MCCC1: variants seen among roughly 807,000 people sequenced by gnomAD.
MCCC1 encodes methylcrotonoyl-CoA carboxylase subunit alpha, mitochondrial.
Under a neutral mutation model 83.8 loss-of-function variants are expected in MCCC1, and 64 were observed. The ratio of observed to expected loss-of-function variants is 0.76; its 90% CI spans 0.62 to 0.94. The LOEUF (loss-of-function observed/expected upper bound fraction) is 0.94. Ranked by LOEUF, MCCC1 falls within the 40% of genes least tolerant of loss-of-function variation. The pLI is 0.00. For synonymous variants in MCCC1, 322 were observed against 315.4 expected, an observed-to-expected ratio of 1.02 and a Z score of -0.22; for missense variants, 807 against 904.7, an observed-to-expected ratio of 0.89 and a Z score of 1.39.
At chr3:183,015,923 T>G (rs187380316) in intron 18 of MCCC1, among the ~76,000 whole-genome samples, 4 of 150,232 alleles carry the variant, frequency 2.7e-5, no homozygotes, top group African/African-American at 9.8e-5. Flanking sequence ...TTTTTTTTTT[T>G]TGTTTTTTGT....
intron 1 of MCCC1, among the ~76,000 whole-genome samples, chr3:183,095,266 G>A (rs1360987795): frequency 6.6e-6 from 1 of 151,744 alleles, no homozygotes; most frequent in Non-Finnish European, 1.5e-5. Context: ...CTGGGTGACA[G>A]AGCGAGACTC....
intron 1 of MCCC1, chr3:183,099,032 C>CCGATGTAAA (rs1401373230): frequency 3.9e-6 from 2 of 517,426 alleles, no homozygotes; most frequent in Admixed American, 6.4e-5. Context: ...CTGCGAAAGC[C>CCGATGTAAA]CGATGTAAAC....
At chr3:183,075,569 C>A (rs2108534004) in intron 4 of MCCC1, among the ~76,000 whole-genome samples, 1 of 125,582 alleles carries the variant, frequency 8.0e-6, no homozygotes, top group Non-Finnish European at 1.7e-5. Flanking sequence ...GAGACAGAGT[C>A]TTGCTCTGTC....
At chr3:183,092,228 C>T (rs955223444) in intron 3 of MCCC1, 181 bp downstream of exon 3, 4 of 687,638 alleles carry the variant, frequency 5.8e-6, no homozygotes, top group Non-Finnish European at 9.9e-6. Flanking sequence ...CTAAGCACAC[C>T]GCTTAGTTCA....
intron 3 of MCCC1, among the ~76,000 whole-genome samples, chr3:183,088,389 T>G (rs1450024622): frequency 2.6e-5 from 4 of 152,114 alleles, no homozygotes; most frequent in Non-Finnish European, 5.9e-5. Flanking sequence ...GTATTTGTAG[T>G]AGAGACAGGG....
rs1480894033 is a variant in MCCC1, at chr3:183,064,951, C to T, written c.761+6048G>A. Among the ~76,000 whole-genome samples, 1 of 152,196 alleles carries T rather than the reference C, an allele frequency of 6.6e-6. No individual in the cohort carries two copies. Among genetic ancestry groups the T allele is most frequent in the Non-Finnish European group, 1.5e-5 (1 of 68,028 alleles). ...GCAATGCTTTTCTCCCTTCCCTTCC[C>T]TTTCTCTCTCTGTGCAAACTGGTTG... On this transcript the variant is annotated intron_variant, in intron 7 of 18. Transcript: ENST00000265594. The surrounding 1 kb of genome is among the most constrained non-coding windows in gnomAD (Gnocchi z 4.5).
At chr3:183,112,954 G>A (rs992987298) in intron 1 of MCCC1, among the ~76,000 whole-genome samples, 12 of 151,878 alleles carry the variant, frequency 7.9e-5, no homozygotes, top group Non-Finnish European at 1.5e-4. Context: ...GGCCGGGCAC[G>A]GTGGCTCACG....
chr3:183,090,130 G>C (rs565634088), intron 3 of MCCC1, among the ~76,000 whole-genome samples: 3 of 152,260 alleles, frequency 2.0e-5, no homozygotes, highest in Admixed American at 6.5e-5. Context: ...GGTAGGGTCT[G>C]GTAGATGGGT....
chr3:183,041,544 CTT>C (rs1714082390), intron 11 of MCCC1, 21 bp downstream of exon 11: 1 of 1,613,512 alleles, frequency 6.2e-7, no homozygotes, highest in Non-Finnish European at 8.5e-7. Flanking sequence ...AAGAGTGAGA[CTT>C]TTCATTTTCT....
chr3:183,017,760 C>T (rs1355301418), intron 17 of MCCC1: 16 of 214,834 alleles, frequency 7.4e-5, no homozygotes, highest in Non-Finnish European at 1.3e-4. Context: ...ATGTACTGGT[C>T]AAATCAGAGG....
At chr3:183,062,645 G>A (rs945247107) in intron 7 of MCCC1, among the ~76,000 whole-genome samples, 2 of 152,176 alleles carry the variant, frequency 1.3e-5, no homozygotes, top group Non-Finnish European at 2.9e-5. Flanking sequence ...GTGAGCCACT[G>A]TGCCCAGCCT....
chr3:183,068,003 C>G (rs978836752), intron 7 of MCCC1, among the ~76,000 whole-genome samples: 1 of 152,122 alleles, frequency 6.6e-6, no homozygotes, highest in Non-Finnish European at 1.5e-5. Flanking sequence ...ATACTGAACA[C>G]AAGAGATCCT....
At chr3:183,018,834 T>C (rs1456769079) in intron 17 of MCCC1, among the ~76,000 whole-genome samples, 1 of 152,242 alleles carries the variant, frequency 6.6e-6, no homozygotes, top group Non-Finnish European at 1.5e-5. Context: ...GAGCCCTGTG[T>C]AGTAAATGTG....
chr3:183,049,930 G>A (rs2108493270), intron 9 of MCCC1, among the ~76,000 whole-genome samples: 1 of 152,286 alleles, frequency 6.6e-6, no homozygotes, highest in Non-Finnish European at 1.5e-5. Flanking sequence ...ACCAGCCTTG[G>A]CAATACAGGG....
In MCCC1 at chr3:183,045,429, A is replaced by C; in HGVS notation, c.1067T>G (p.Val356Gly). 6.2e-7 allele frequency: 1 copy of C among 1,614,058 alleles called. No homozygotes were observed. The highest frequency in any genetic ancestry group is 1.3e-5 in the African/African-American group (1 of 75,050). The change falls in exon 10 of 19, where the codon GTG becomes GGG. Residue 356 changes from valine (V) to glycine (G), a missense_variant. Physicochemically the swap from Val to Gly is moderately radical, Grantham distance 109 (BLOSUM62 -3). Transcript: ENST00000265594. ...VTEMITGTDL[V>G]EWQLRIAAGE... The stretch of plus-strand genomic sequence containing the variant: ...TATTCTCACTCTAAGCTGCCACTCC[A>C]CCAAGTCAGTTCCTGTGATCATCTC...
rs901667676 is a variant in MCCC1 at position 183,045,606 on chromosome 3, T to A, written c.956-66A>T. ...ATCAGTAGCAAACCAAAATCTTCCA[T>A]GATGCATCACATCAAGTTTTACCGC... On this transcript the variant is annotated intron_variant, in intron 9 of 18. Transcript: ENST00000265594. The A allele has an allele frequency of 6.4e-6, 10 of 1,554,560 alleles. No homozygotes were observed. The African/African-American group carries it at 1.2e-4, about 19-fold the overall frequency.
upstream of MCCC1, among the ~76,000 whole-genome samples, chr3:183,102,781 T>G (rs993203390): frequency 4.4e-5 from 5 of 113,424 alleles, no homozygotes; most frequent in African/African-American, 1.1e-4. Context: ...TTTTTTTTTT[T>G]TTTTTTTTTT....
At chr3:183,079,701 CTG>C (rs775343220) in intron 4 of MCCC1, among the ~76,000 whole-genome samples, 10 of 152,226 alleles carry the variant, frequency 6.6e-5, no homozygotes, top group Non-Finnish European at 1.5e-4. Flanking sequence ...AATAGGGACT[CTG>C]TGTGGGGGCT....
rs1480067012 is a variant in MCCC1 at position 183,053,877 on chromosome 3, A to AATTTTTTTTTTTTT, written c.874-1638_874-1637insAAAAAAAAAAAAAT. ...GCTTATAGAATTAAGGCTATAAAGA[A>AATTTTTTTTTTTTT]TTTTTTTTTTTTTTTTTTGAGATGG... On this transcript the variant is annotated intron_variant, in intron 8 of 18. Transcript: ENST00000265594. 1.4e-5 allele frequency among the ~76,000 whole-genome samples: 2 copies of AATTTTTTTTTTTTT among 138,558 alleles called. 1 individual carries two copies. Among genetic ancestry groups the AATTTTTTTTTTTTT allele is most frequent in the African/African-American group, 5.2e-5 (2 of 38,350 alleles). The allele number at this position is 138,558 out of a possible 152,430, so 90.9% of individuals were successfully genotyped here.
Sources: allele counts gnomAD v4.1 joint callset (sites outside exome capture counted in the v4.1 genomes callset), GRCh38; gene constraint gnomAD v4.1.1; non-coding constraint Gnocchi (gnomAD v3.1); transcripts MANE v1.5; gene names NCBI Gene and HGNC (gene_info 2026-07-23, HGNC 2026-07-21).